The following CETN3 variants were observed in gnomAD, a reference collection of about 807,000 sequenced individuals.
CETN3 encodes centrin 3, also known as centrin-3.
CETN3 carries 17 observed loss-of-function variants against 20.1 expected under a neutral mutation model. The ratio of observed to expected loss-of-function variants is 0.85; its 90% CI spans 0.58 to 1.27. The LOEUF is 1.27. Among genes scored for constraint, CETN3 ranks in the 50% most tolerant of loss-of-function variants. The pLI is 0.00. For missense variants in CETN3, 169 were observed against 191.2 expected, an observed-to-expected ratio of 0.88 and a Z score of 0.69; for synonymous variants, 52 against 59.7, an observed-to-expected ratio of 0.87 and a Z score of 0.59.
chr5:90,409,631 T>G lies in CETN3; in HGVS notation c.17+14A>C. 6.2e-7 allele frequency: 1 copy of G among 1,613,910 alleles called. No individual in the cohort carries two copies. The highest frequency in any genetic ancestry group is 1.1e-5 in the South Asian group (1 of 91,084). On this transcript the variant is annotated intron_variant, in intron 1 of 4. Transcript: ENST00000283122. ...CCGGGGTGTGGAGAGCACTGCCGCCTCCTTATTACCGACCTCAGAGCTAAA... is the reference window on the plus strand; with the variant it reads ...CCGGGGTGTGGAGAGCACTGCCGCCGCCTTATTACCGACCTCAGAGCTAAA...
At chr5:90,399,797 T>C (rs767723771) in intron 3 of CETN3, among the ~76,000 whole-genome samples, 4 of 152,182 alleles carry the variant, frequency 2.6e-5, no homozygotes, top group African/African-American at 7.2e-5. Context: ...AGCAAAACTA[T>C]ATCACACAGA....
At position 90,399,453 on chromosome 5, in the gene CETN3, T is replaced by G. The variant is rs1410821292; in HGVS notation, c.365A>C (p.Asn122Thr). Reference sequence around the variant, plus strand: ...CAATTCTCTAGCAACACGTCGCAAATTCCTCAAGCTTATTTTACCTGAATC... The same window carrying G: ...CAATTCTCTAGCAACACGTCGCAAAGTCCTCAAGCTTATTTTACCTGAATC... ...DDDSGKISLR[N>T]LRRVARELGE... The change falls in exon 4 of 5, where the codon AAT becomes ACT. Residue 122 changes from asparagine to threonine, a missense_variant. By Grantham distance (65) the Asn-to-Thr change is moderately conservative. Transcript: ENST00000283122. The G allele has an allele frequency of 6.2e-7, 1 of 1,613,982 alleles. No homozygotes were observed. Among genetic ancestry groups the G allele is most frequent in the East Asian group, 2.2e-5 (1 of 44,846 alleles).
rs1561404954 is a variant in CETN3, at chr5:90,393,778, C to A, written c.*286G>T. 4.8e-6 allele frequency: 1 copy of A among 210,126 alleles called. No homozygotes were observed. The highest frequency in any genetic ancestry group is 9.4e-6 in the Non-Finnish European group (1 of 106,370). The allele number at this position is 210,126 out of a possible 1,614,324, so 13.0% of individuals were successfully genotyped here. ...GGAAAATGTGTGCACTAAAAAGTGACTATAAATGTTAAATTAAAAAACCTT... is the reference window on the plus strand; with the variant it reads ...GGAAAATGTGTGCACTAAAAAGTGAATATAAATGTTAAATTAAAAAACCTT... On this transcript the variant is annotated 3_prime_UTR_variant, in exon 5 of 5. Transcript: ENST00000283122.
intron 2 of CETN3, among the ~76,000 whole-genome samples, chr5:90,406,014 A>T (rs987835930): frequency 6.6e-6 from 1 of 152,160 alleles, no homozygotes; most frequent in African/African-American, 2.4e-5. Context: ...TGCATTTTTT[A>T]TATGACAAAG....
chr5:90,396,589 A>C, intron 4 of CETN3: 1 of 1,481,014 alleles, frequency 6.8e-7, no homozygotes, highest in Non-Finnish European at 9.1e-7. Flanking sequence ...AAAACATAAA[A>C]CAGCCTTAGA....
At chr5:90,400,191 G>A (rs184348353) in intron 3 of CETN3, among the ~76,000 whole-genome samples, 2 of 152,068 alleles carry the variant, frequency 1.3e-5, no homozygotes, top group Non-Finnish European at 2.9e-5. Flanking sequence ...TAGCAGGAAA[G>A]CCCACCCAAA....
chr5:90,407,664 A>T, intron 2 of CETN3, 35 bp downstream of exon 2: 1 of 1,331,224 alleles, frequency 7.5e-7, no homozygotes, highest in Non-Finnish European at 1.0e-6. Context: ...AAATCATTTT[A>T]ACACAGAAAC....
chr5:90,394,908 C>T (rs370785328), intron 4 of CETN3, among the ~76,000 whole-genome samples: 8 of 152,136 alleles, frequency 5.3e-5, no homozygotes, highest in Non-Finnish European at 8.8e-5. Flanking sequence ...CATATGCGCA[C>T]GTATCAATTA....
chr5:90,406,840 CA>C (rs762527758), intron 2 of CETN3, among the ~76,000 whole-genome samples: 9 of 61,718 alleles, frequency 1.5e-4, no homozygotes, highest in East Asian at 4.8e-4. Flanking sequence ...TCTGGGTAAC[CA>C]AAAAAAAAAA....
chr5:90,395,506 G>T (rs949557010), intron 4 of CETN3, among the ~76,000 whole-genome samples: 1 of 151,962 alleles, frequency 6.6e-6, no homozygotes, highest in African/African-American at 2.4e-5. Flanking sequence ...GCTAATCGTT[G>T]TATTTTTGGT....
chr5:90,394,992 T>C (rs1171835722), intron 4 of CETN3, among the ~76,000 whole-genome samples: 1 of 152,188 alleles, frequency 6.6e-6, no homozygotes, highest in Non-Finnish European at 1.5e-5. Flanking sequence ...ACCTAAACAA[T>C]GCATAAATTA....
At chr5:90,403,363 G>A (rs1749349522) in intron 3 of CETN3, among the ~76,000 whole-genome samples, 1 of 152,148 alleles carries the variant, frequency 6.6e-6, no homozygotes, top group African/African-American at 2.4e-5. Flanking sequence ...ATTTTTATTT[G>A]ACACCTGGTA....
At chr5:90,395,598 T>C (rs1419000883) in intron 4 of CETN3, among the ~76,000 whole-genome samples, 1 of 152,144 alleles carries the variant, frequency 6.6e-6, no homozygotes, top group Non-Finnish European at 1.5e-5. Flanking sequence ...CCTCCCAAAG[T>C]GCTGGGATTA....
intron 4 of CETN3, among the ~76,000 whole-genome samples, chr5:90,396,746 A>C (rs1001555780): frequency 3.3e-5 from 5 of 152,136 alleles, no homozygotes; most frequent in Non-Finnish European, 7.4e-5. Flanking sequence ...TAAGTTTCAT[A>C]TATAAGTTTG....
intron 4 of CETN3, among the ~76,000 whole-genome samples, chr5:90,397,007 T>C (rs1392828896): frequency 6.6e-6 from 1 of 152,094 alleles, no homozygotes; most frequent in Middle Eastern, 3.2e-3. Flanking sequence ...CTAGAGATGA[T>C]TTAACGTATA....
chr5:90,396,386 G>A, intron 4 of CETN3: 1 of 1,412,426 alleles, frequency 7.1e-7, no homozygotes, highest in Non-Finnish European at 9.2e-7. Flanking sequence ...AACCTTTGCA[G>A]TTAAATAGCC....
chr5:90,405,450 G>A (rs1033634831), intron 3 of CETN3: 1 of 487,710 alleles, frequency 2.1e-6, no homozygotes, highest in South Asian at 3.9e-5. Flanking sequence ...CTACACAATA[G>A]TTCCTTGGTT....
intron 2 of CETN3, among the ~76,000 whole-genome samples, chr5:90,407,263 C>T (rs1749476417): frequency 6.6e-6 from 1 of 151,896 alleles, no homozygotes; most frequent in Non-Finnish European, 1.5e-5. Context: ...GTTGTTTGCA[C>T]CAGAGAAAGT....
At chr5:90,397,838 T>C (rs1294937987) in intron 4 of CETN3, among the ~76,000 whole-genome samples, 3 of 152,138 alleles carry the variant, frequency 2.0e-5, no homozygotes, top group East Asian at 3.8e-4. Context: ...TCTCTATATA[T>C]GCATCTATTA....
Sources: allele counts gnomAD v4.1 joint callset (sites outside exome capture counted in the v4.1 genomes callset), GRCh38; gene constraint gnomAD v4.1.1; transcripts MANE v1.5; gene names NCBI Gene and HGNC (gene_info 2026-07-23, HGNC 2026-07-21).